The following MCC variants were observed in gnomAD, a reference collection of about 807,000 sequenced individuals.
The protein encoded by MCC is MCC regulator of Wnt signaling pathway.
Under a neutral mutation model 116.2 loss-of-function variants are expected in MCC, and 90 were observed. The observed-to-expected ratio is 0.77, with a 90% CI of 0.65 to 0.92. The LOEUF is 0.92. Among genes scored for constraint, MCC ranks in the 40% least tolerant of loss-of-function variants. The pLI is 0.00. For synonymous variants in MCC, 578 were observed against 510.5 expected, an observed-to-expected ratio of 1.13 and a Z score of -1.78; for missense variants, 1,516 against 1,312.2, an observed-to-expected ratio of 1.16 and a Z score of -2.40.
Position 113,200,649 on chromosome 5 carries a change from G to C in MCC, c.628-49227C>G, listed in dbSNP as rs557219415. On this transcript the variant is annotated intron_variant, in intron 3 of 18. Coordinates refer to ENST00000408903, the MANE Select transcript of MCC (RefSeq NM_001085377.2). The stretch of plus-strand genomic sequence containing the variant: ...CCCCTTCTCCACTGAGAAACATATG[G>C]AAATGTCGGATACAACTTAAGTTAA... Among the ~76,000 whole-genome samples the C allele has an allele frequency of 2.6e-5, 4 of 152,298 alleles. No homozygotes were observed. In the South Asian group the frequency reaches 8.3e-4, roughly 32 times the overall value.
chr5:113,435,129 A>C, intron 1 of MCC: 2 of 392,006 alleles, frequency 5.1e-6, no homozygotes, highest in Non-Finnish European at 4.7e-6. Context: ...AGCAGACAAG[A>C]TGAGCAGAAA....
At chr5:113,103,484 A>C (rs1329629565) in intron 7 of MCC, among the ~76,000 whole-genome samples, 1 of 152,212 alleles carries the variant, frequency 6.6e-6, no homozygotes, top group East Asian at 1.9e-4. Context: ...CATCAACTAC[A>C]TATTTGCAAT....
intron 8 of MCC, among the ~76,000 whole-genome samples, chr5:113,091,355 C>T (rs565140360): frequency 3.7e-4 from 56 of 152,206 alleles, no homozygotes; most frequent in Admixed American, 2.8e-3. Flanking sequence ...TGACTGGGAG[C>T]CCAGGTCCAC....
rs115259133 is a variant in MCC, at chr5:113,107,670, C to T, written c.1028-3315G>A. Among the ~76,000 whole-genome samples the T allele has an allele frequency of 3.0e-3, 457 of 152,252 alleles. 2 individuals carry two copies. Among genetic ancestry groups the T allele is most frequent in the African/African-American group, 0.011 (439 of 41,540 alleles). On this transcript the variant is annotated intron_variant, in intron 6 of 18. Transcript: ENST00000408903. ...CTGGTATCCAGAGCTGGTGTGAATC[C>T]GCTGTCCTGAGTTATGTGCATTAAG... is the stretch of plus-strand genomic sequence containing the variant.
chr5:113,059,595 G>C (rs1174092687), intron 14 of MCC, among the ~76,000 whole-genome samples: 1 of 152,260 alleles, frequency 6.6e-6, no homozygotes, highest in Non-Finnish European at 1.5e-5. Flanking sequence ...TGTGTTCTCT[G>C]AGAGCGACTG....
intron 3 of MCC, among the ~76,000 whole-genome samples, chr5:113,192,469 A>G (rs1372030494): frequency 6.6e-6 from 1 of 152,200 alleles, no homozygotes; most frequent in African/African-American, 2.4e-5. Flanking sequence ...AATAGCACCT[A>G]TACCCCCTAC....
At chr5:113,412,611 A>G (rs1174962904) in intron 1 of MCC, among the ~76,000 whole-genome samples, 2 of 152,170 alleles carry the variant, frequency 1.3e-5, no homozygotes, top group Non-Finnish European at 2.9e-5. Context: ...TGATTTTTGC[A>G]CACTGATTTT....
intron 6 of MCC, among the ~76,000 whole-genome samples, chr5:113,109,894 C>CA (rs1477394841): frequency 1.3e-5 from 2 of 152,210 alleles, no homozygotes; most frequent in Admixed American, 1.3e-4. Flanking sequence ...CCCTGGCCCC[C>CA]ACTGCCATGC....
At chr5:113,033,519 C>T (rs989209639) in intron 17 of MCC, among the ~76,000 whole-genome samples, 4 of 152,160 alleles carry the variant, frequency 2.6e-5, no homozygotes, top group African/African-American at 4.8e-5. Context: ...ATTTGCTTAG[C>T]CTTTCGTTAA....
chr5:113,150,556 C>T (rs1258497375), intron 4 of MCC, among the ~76,000 whole-genome samples: 1 of 151,596 alleles, frequency 6.6e-6, no homozygotes, highest in African/African-American at 2.4e-5. Flanking sequence ...AATGAAAATG[C>T]ATTTCAGTAA....
At chr5:113,092,892 T>C (rs1318921759) in intron 8 of MCC, among the ~76,000 whole-genome samples, 2 of 152,232 alleles carry the variant, frequency 1.3e-5, no homozygotes, top group African/African-American at 2.4e-5. Context: ...GGAGGAGACA[T>C]GTGCAAGGGA....
At chr5:113,275,395 G>C (rs1233094133) in intron 3 of MCC, among the ~76,000 whole-genome samples, 1 of 152,150 alleles carries the variant, frequency 6.6e-6, no homozygotes, top group African/African-American at 2.4e-5. Context: ...TAATAATTTT[G>C]TCATTATTTA....
chr5:113,448,884 T>A (rs929055829), intron 1 of MCC, among the ~76,000 whole-genome samples: 1 of 152,246 alleles, frequency 6.6e-6, no homozygotes, highest in African/African-American at 2.4e-5. Flanking sequence ...CTGACCTTTT[T>A]AATCTTGTAT....
At chr5:113,106,370 C>T (rs1039112547) in intron 6 of MCC, among the ~76,000 whole-genome samples, 3 of 145,010 alleles carry the variant, frequency 2.1e-5, no homozygotes, top group Non-Finnish European at 3.0e-5. Flanking sequence ...ACTCCTTCCC[C>T]TCATTCACTA....
At chr5:113,196,841 AAATC>A (rs1383045252) in intron 3 of MCC, among the ~76,000 whole-genome samples, 3 of 152,148 alleles carry the variant, frequency 2.0e-5, no homozygotes, top group Non-Finnish European at 4.4e-5. Context: ...TCTATCTCAA[AAATC>A]AATCAATCAA....
chr5:113,176,477 C>T (rs1392273007), intron 3 of MCC, among the ~76,000 whole-genome samples: 1 of 152,238 alleles, frequency 6.6e-6, no homozygotes, highest in Non-Finnish European at 1.5e-5. Context: ...GCATGTTCCT[C>T]AACACACAGA....
chr5:113,220,813 T>C (rs1386444910), intron 3 of MCC, among the ~76,000 whole-genome samples: 1 of 152,206 alleles, frequency 6.6e-6, no homozygotes, highest in African/African-American at 2.4e-5. Context: ...AAGCCTTTTA[T>C]TGTTTTTCCT....
chr5:113,339,441 G>GCA (rs1169321886), intron 3 of MCC, among the ~76,000 whole-genome samples: 2 of 151,580 alleles, frequency 1.3e-5, no homozygotes, highest in African/African-American at 4.9e-5. Context: ...GTGTGTGTGC[G>GCA]TGCATGTGTG....
chr5:113,131,343 T>TA (rs1036563000), intron 5 of MCC, among the ~76,000 whole-genome samples: 3 of 152,190 alleles, frequency 2.0e-5, no homozygotes, highest in East Asian at 1.9e-4. Flanking sequence ...GGTGAACATT[T>TA]AAAAAAAGCC....
Sources: allele counts gnomAD v4.1 joint callset (sites outside exome capture counted in the v4.1 genomes callset), GRCh38; gene constraint gnomAD v4.1.1; transcripts MANE v1.5; gene names NCBI Gene and HGNC (gene_info 2026-07-23, HGNC 2026-07-21).